The following DOCK11 variants were observed in gnomAD, a reference collection of about 807,000 sequenced individuals.
The protein encoded by DOCK11 is dedicator of cytokinesis protein 11.
In DOCK11, 70 loss-of-function variants were observed where a neutral mutation model predicts 169.1. The observed-to-expected ratio is 0.41, with a 90% CI of 0.34 to 0.51. The LOEUF is 0.51. Ranked by LOEUF, DOCK11 falls within the 20% of genes least tolerant of loss-of-function variation. The probability of loss-of-function intolerance (pLI) is 0.10; values close to 1 mark genes in which losing one functional copy is unlikely to be tolerated. For synonymous variants in DOCK11, 529 were observed against 541.3 expected (o/e 0.98, Z 0.32); for missense variants, 1,166 against 1,538.8 (o/e 0.76, Z 4.05).
intron 3 of DOCK11, 70 bp from the exon 4 acceptor site, chrX:118,543,441 A>T: frequency 3.4e-6 from 3 of 894,796 alleles, no homozygotes; most frequent in Non-Finnish European, 4.9e-6. Flanking sequence ...GCATAGTACC[A>T]GAGTTTTAAA....
chrX:118,668,676 A>G (rs1216422883), intron 45 of DOCK11, among the ~76,000 whole-genome samples: 1 of 112,010 alleles, frequency 8.9e-6, no homozygotes, highest in East Asian at 2.8e-4. Context: ...TCAGATATGT[A>G]GATAATACGT....
intron 40 of DOCK11, among the ~76,000 whole-genome samples, chrX:118,648,393 C>G (rs1327809990): frequency 1.1e-5 from 1 of 95,091 alleles, no homozygotes; most frequent in Non-Finnish European, 2.0e-5. Context: ...ATGGGAAGGT[C>G]AATTTTCATT....
At chrX:118,547,670 T>C (rs1444206883) in intron 6 of DOCK11, among the ~76,000 whole-genome samples, 1 of 112,352 alleles carries the variant, frequency 8.9e-6, no homozygotes, top group Admixed American at 9.5e-5. Flanking sequence ...TTTTCAGAGG[T>C]AGGATTTGAA....
chrX:118,611,546 T>A (rs960451007), intron 28 of DOCK11, among the ~76,000 whole-genome samples: 3 of 112,388 alleles, frequency 2.7e-5, no homozygotes, highest in African/African-American at 9.7e-5. Flanking sequence ...GCAACCTGTT[T>A]GGTGATGTAA....
Position 118,515,094 on chromosome X carries a change from C to G in DOCK11, c.102+19021C>G, listed in dbSNP as rs181970168. 2.0e-3 allele frequency among the ~76,000 whole-genome samples: 222 copies of G among 112,083 alleles called. 1 individual carries two copies. Among genetic ancestry groups the G allele is most frequent in the African/African-American group, 6.9e-3 (214 of 30,832 alleles). ...GTGGTTGCATCACTCCAATCTCTGC[C>G]TCTGTGGTCACATTGCCACCTCTTT... On this transcript the variant is annotated intron_variant, in intron 1 of 52. Coordinates refer to ENST00000276202, the MANE Select transcript of DOCK11 (RefSeq NM_144658.4).
chrX:118,673,918 G>A (rs757412399), intron 46 of DOCK11, among the ~76,000 whole-genome samples: 1 of 111,432 alleles, frequency 9.0e-6, no homozygotes, highest in Non-Finnish European at 1.9e-5. Context: ...CTGAAAATTC[G>A]AAATCATAAA....
At chrX:118,593,423 C>G (rs1329868953) in intron 20 of DOCK11, 86 bp downstream of exon 20, 1 of 931,868 alleles carries the variant, frequency 1.1e-6, no homozygotes, top group African/African-American at 2.0e-5. Context: ...AAGCTATAGA[C>G]CACTTCTCCC....
chrX:118,544,754 G>A (rs571824985), intron 4 of DOCK11, among the ~76,000 whole-genome samples: 1 of 99,418 alleles, frequency 1.0e-5, no homozygotes, highest in East Asian at 3.2e-4. Flanking sequence ...TCTGCCTCCC[G>A]GGTTCAGGTG....
At chrX:118,546,810 T>C (rs1455924118) in intron 6 of DOCK11, among the ~76,000 whole-genome samples, 1 of 110,575 alleles carries the variant, frequency 9.0e-6, no homozygotes, top group Non-Finnish European at 1.9e-5. Context: ...TGCAACATGA[T>C]GAAACCCCAT....
intron 6 of DOCK11, among the ~76,000 whole-genome samples, chrX:118,550,842 G>T (rs368175129): frequency 5.6e-4 from 63 of 112,322 alleles, no homozygotes; most frequent in African/African-American, 2.0e-3. Context: ...GAGACAAAGG[G>T]TTGACAGAGT....
At chrX:118,507,373 T>TTC (rs1193009841) in intron 1 of DOCK11, among the ~76,000 whole-genome samples, 1 of 109,587 alleles carries the variant, frequency 9.1e-6, no homozygotes, top group East Asian at 2.9e-4. Flanking sequence ...ATAAGATTTT[T>TTC]TTTTTTTTTC....
At chrX:118,506,538 C>T (rs975831620) in intron 1 of DOCK11, among the ~76,000 whole-genome samples, 10 of 109,538 alleles carry the variant, frequency 9.1e-5, no homozygotes, top group Non-Finnish European at 1.7e-4. Context: ...TGGTGGTGCA[C>T]GCCTGTAATC....
chrX:118,550,762 T>C (rs2012464595), intron 6 of DOCK11, among the ~76,000 whole-genome samples: 1 of 111,916 alleles, frequency 8.9e-6, no homozygotes, highest in African/African-American at 3.2e-5. Context: ...CATAGGAGGC[T>C]AAAGCTAAAG....
Position 118,538,788 on chromosome X carries a change from G to C in DOCK11, c.103-3937G>C, listed in dbSNP as rs113993472. 1,409 of 391,115 alleles carry C rather than the reference G, an allele frequency of 3.6e-3. 15 individuals carry two copies. The highest frequency in any genetic ancestry group is 0.035 in the African/African-American group (1,282 of 36,283). The allele number at this position is 391,115 out of a possible 1,213,427, so 32.2% of individuals were successfully genotyped here. ...ACTGGCAGAAAGGATAAATTACAAA[G>C]CTGAAAGAAAGACCCTCTTTGAGTG... On this transcript the variant is annotated intron_variant, in intron 1 of 52. Coordinates refer to ENST00000276202, the MANE Select transcript of DOCK11 (RefSeq NM_144658.4).
intron 24 of DOCK11, among the ~76,000 whole-genome samples, chrX:118,607,509 C>T (rs2014563192): frequency 9.8e-6 from 1 of 101,584 alleles, no homozygotes; most frequent in Non-Finnish European, 2.0e-5. Flanking sequence ...GCAAGCTCCG[C>T]CTCCTGGGTT....
At chrX:118,631,317 A>T (rs72607635) in intron 35 of DOCK11, among the ~76,000 whole-genome samples, 3 of 111,208 alleles carry the variant, frequency 2.7e-5, no homozygotes, top group East Asian at 5.5e-4. Flanking sequence ...GGATGTAAAG[A>T]CATAAAATAA....
chrX:118,555,660 T>G (rs931792207), intron 6 of DOCK11, among the ~76,000 whole-genome samples: 1 of 111,778 alleles, frequency 8.9e-6, no homozygotes, highest in African/African-American at 3.3e-5. Flanking sequence ...TAGGGGTTCT[T>G]TAGCAGGATG....
chrX:118,575,904 A>G (rs2013429279), intron 12 of DOCK11, among the ~76,000 whole-genome samples: 1 of 112,147 alleles, frequency 8.9e-6, no homozygotes, highest in African/African-American at 3.2e-5. Flanking sequence ...CCAGTTTGTA[A>G]TTTGGAACAG....
chrX:118,648,711 G>A (rs992283699), intron 40 of DOCK11, among the ~76,000 whole-genome samples: 1 of 104,968 alleles, frequency 9.5e-6, no homozygotes, highest in East Asian at 2.9e-4. Context: ...TTTATATTCA[G>A]TACTTCTACA....
Sources: allele counts gnomAD v4.1 joint callset (sites outside exome capture counted in the v4.1 genomes callset), GRCh38; gene constraint gnomAD v4.1.1; transcripts MANE v1.5; gene names NCBI Gene and HGNC (gene_info 2026-07-23, HGNC 2026-07-21).